Variants in RANBP17 observed in about 807,000 individuals in gnomAD.
The protein encoded by RANBP17 is RAN binding protein 17.
Under a neutral mutation model 141.2 loss-of-function variants are expected in RANBP17, and 158 were observed. The ratio of observed to expected loss-of-function variants is 1.12; its 90% CI spans 0.98 to 1.28. The LOEUF is 1.28. Among genes scored for constraint, RANBP17 ranks in the 50% most tolerant of loss-of-function variants. RANBP17 has a pLI of 0.00. For synonymous variants in RANBP17, 430 were observed against 450.0 expected (o/e 0.96, Z 0.56); for missense variants, 1,438 against 1,290.7 (o/e 1.11, Z -1.75).
At chr5:171,250,148 C>G (rs1363662985) in intron 24 of RANBP17, among the ~76,000 whole-genome samples, 2 of 152,114 alleles carry the variant, frequency 1.3e-5, no homozygotes, top group African/African-American at 4.8e-5. Context: ...AATACTACAT[C>G]CAGTAAAATT....
chr5:170,907,666 T>C (rs1321886764), intron 5 of RANBP17, among the ~76,000 whole-genome samples: 3 of 151,968 alleles, frequency 2.0e-5, no homozygotes, highest in Admixed American at 6.6e-5. Context: ...ATTTCAAAAC[T>C]CATGTGTTTT....
chr5:171,205,594 C>A lies in RANBP17; in HGVS notation c.2213C>A (p.Thr738Asn), dbSNP rs1042625961. The change falls in exon 20 of 28, where the codon ACC becomes AAC. Residue 738 changes from threonine to asparagine, a missense_variant. Thr to Asn is a moderately conservative substitution (Grantham distance 65). Coordinates refer to ENST00000523189, the MANE Select transcript of RANBP17 (RefSeq NM_022897.5). The part of the protein sequence containing the change: ...AFALNTKTSY[T>N]MLFDWMYPTY... ...GCACTGAACACAAAGACCAGCTACA[C>A]CATGCTGTTTGACTGGATGTATCCT... is the stretch of plus-strand genomic sequence containing the variant. 1.2e-6 allele frequency: 2 copies of A among 1,613,476 alleles called. No individual in the cohort carries two copies. The highest frequency in any genetic ancestry group is 1.7e-6 in the Non-Finnish European group (2 of 1,179,564).
At chr5:171,267,179 G>A (rs954838200) in intron 25 of RANBP17, among the ~76,000 whole-genome samples, 3 of 149,882 alleles carry the variant, frequency 2.0e-5, no homozygotes, top group African/African-American at 7.3e-5. Flanking sequence ...GACTACAGGT[G>A]CACACCACCA....
chr5:170,913,337 G>T (rs1771686168), intron 7 of RANBP17, among the ~76,000 whole-genome samples: 1 of 151,916 alleles, frequency 6.6e-6, no homozygotes, highest in African/African-American at 2.4e-5. Flanking sequence ...GGCTCTGGGA[G>T]GTAGGGGTGG....
In RANBP17 at chr5:171,205,250, G is replaced by T. The variant is rs528452879; in HGVS notation, c.2143-274G>T. Among the ~76,000 whole-genome samples, 3 of 151,932 alleles carry T rather than the reference G, an allele frequency of 2.0e-5. No individual in the cohort carries two copies. The East Asian group carries it at 5.8e-4, about 29-fold the overall frequency. The stretch of plus-strand genomic sequence containing the variant: ...ATCCTCATCTTTTTTTTCAGATTTG[G>T]CATTATTCAGAAACAAAGTATATTA... On this transcript the variant is annotated intron_variant, in intron 19 of 27. Transcript: ENST00000523189.
chr5:171,198,214 G>A (rs1762089002), intron 18 of RANBP17, among the ~76,000 whole-genome samples: 2 of 152,220 alleles, frequency 1.3e-5, no homozygotes, highest in Non-Finnish European at 2.9e-5. Flanking sequence ...GTGTATCTAA[G>A]AGGAGTCACT....
At position 171,240,971 on chromosome 5, in the gene RANBP17, T is replaced by G; in HGVS notation, c.2466T>G (p.Ile822Met). 1.9e-6 allele frequency: 3 copies of G among 1,613,956 alleles called. No homozygotes were observed. The highest frequency in any genetic ancestry group is 2.2e-5 in the South Asian group (2 of 91,074). The change falls in exon 23 of 28, where the codon ATT (isoleucine) becomes ATG (methionine). Residue 822 changes from isoleucine to methionine, a missense_variant. By Grantham distance (10) the Ile-to-Met change is conservative. Transcript: ENST00000523189. Reference protein sequence around the residue: ...LSLGSLSKDQIYPMKLKGISI... With the variant: ...LSLGSLSKDQMYPMKLKGISI... ...TTGGGAGCCTCTCAAAAGATCAGAT[T>G]TATCCAATGAAACTCAAGGGCATCT...
intron 14 of RANBP17, among the ~76,000 whole-genome samples, chr5:171,021,686 T>C (rs928666144): frequency 6.6e-6 from 1 of 152,228 alleles, no homozygotes; most frequent in African/African-American, 2.4e-5. Context: ...TTTATCATGT[T>C]TCTTAACTTC....
At chr5:170,935,206 A>G (rs1773761648) in intron 12 of RANBP17, among the ~76,000 whole-genome samples, 1 of 151,874 alleles carries the variant, frequency 6.6e-6, no homozygotes, top group South Asian at 2.1e-4. Context: ...CCATTCGTCT[A>G]CTCTTTTTGC....
At chr5:171,253,318 G>C (rs1459829450) in intron 24 of RANBP17, among the ~76,000 whole-genome samples, 2 of 152,126 alleles carry the variant, frequency 1.3e-5, no homozygotes, top group African/African-American at 4.8e-5. Context: ...GAATTCCTTG[G>C]GGGTGCAGTA....
chr5:171,116,713 T>C (rs1755656141), intron 14 of RANBP17, among the ~76,000 whole-genome samples: 1 of 152,216 alleles, frequency 6.6e-6, no homozygotes, highest in Admixed American at 6.5e-5. Context: ...AATATATTAT[T>C]GTTAACTATA....
intron 1 of RANBP17, among the ~76,000 whole-genome samples, chr5:170,870,061 G>T (rs544000732): frequency 8.5e-5 from 13 of 152,180 alleles, no homozygotes; most frequent in Admixed American, 8.5e-4. Context: ...CTAGATGAAT[G>T]CATGCCAGCA....
intron 12 of RANBP17, among the ~76,000 whole-genome samples, chr5:170,941,162 G>C (rs1251633965): frequency 1.3e-5 from 2 of 152,142 alleles, no homozygotes; most frequent in East Asian, 3.9e-4. Context: ...AAGAAAAAAG[G>C]CCAGAATGTT....
chr5:171,254,408 A>G (rs950247269), intron 24 of RANBP17, among the ~76,000 whole-genome samples: 1 of 151,942 alleles, frequency 6.6e-6, no homozygotes, highest in African/African-American at 2.4e-5. Flanking sequence ...TTCAGATGTC[A>G]TTTTTTTACC....
chr5:171,129,310 A>G lies in RANBP17; in HGVS notation c.1711-40820A>G, dbSNP rs888693552. On this transcript the variant is annotated intron_variant, in intron 14 of 27. Coordinates refer to ENST00000523189, the MANE Select transcript of RANBP17 (RefSeq NM_022897.5). ...ATTTATAGCAATTCTTTTACCACACATTTGTTGCAAAAATGCAATCTGTTT... is the reference window on the plus strand; with the variant it reads ...ATTTATAGCAATTCTTTTACCACACGTTTGTTGCAAAAATGCAATCTGTTT... Among the ~76,000 whole-genome samples the G allele has an allele frequency of 3.9e-5, 6 of 152,162 alleles. No homozygotes were observed. In the East Asian group the frequency reaches 1.2e-3, roughly 29 times the overall value.
chr5:171,186,526 CTTTTTTT>C lies in RANBP17; in HGVS notation c.2038+3118_2038+3124del, dbSNP rs757585137. Among the ~76,000 whole-genome samples the C allele has an allele frequency of 9.4e-4, 39 of 41,666 alleles. No homozygotes were observed. In the South Asian group the frequency reaches 0.016, roughly 17 times the overall value. The allele number at this position is 41,666 out of a possible 152,430, so 27.3% of individuals were successfully genotyped here. ...GAAATGTTATCACTGGTATGATTTT[CTTTTTTT>C]TTTTTTTTTTTTTTTTTTTTTGAGA... is the stretch of plus-strand genomic sequence containing the variant. On this transcript the variant is annotated intron_variant, in intron 18 of 27. Transcript: ENST00000523189.
At chr5:170,908,974 C>T (rs1320104097) in intron 5 of RANBP17, among the ~76,000 whole-genome samples, 2 of 151,818 alleles carry the variant, frequency 1.3e-5, no homozygotes, top group Non-Finnish European at 2.9e-5. Context: ...GTATGAGTGT[C>T]AGACTTCAGC....
intron 14 of RANBP17, among the ~76,000 whole-genome samples, chr5:171,026,494 T>C (rs1781243060): frequency 6.6e-6 from 1 of 152,154 alleles, no homozygotes; most frequent in South Asian, 2.1e-4. Context: ...CACTATATTT[T>C]CCCCCTTTTC....
intron 14 of RANBP17, among the ~76,000 whole-genome samples, chr5:171,086,292 C>T (rs1561636655): frequency 6.8e-6 from 1 of 147,594 alleles, no homozygotes; most frequent in East Asian, 2.0e-4. Flanking sequence ...ATTGAACCAG[C>T]CTTGCATCCC....
Sources: allele counts gnomAD v4.1 joint callset (sites outside exome capture counted in the v4.1 genomes callset), GRCh38; gene constraint gnomAD v4.1.1; transcripts MANE v1.5; gene names NCBI Gene and HGNC (gene_info 2026-07-23, HGNC 2026-07-21).